Variants in DCLK1 observed in about 807,000 individuals in gnomAD.
DCLK1 encodes the protein doublecortin like kinase 1, also known as serine/threonine-protein kinase DCLK1.
A neutral mutation model predicts 86.2 loss-of-function variants in DCLK1; 16 were observed. That is an observed-to-expected ratio of 0.19 (90% CI 0.13 to 0.28). The LOEUF is 0.28. Ranked by LOEUF, DCLK1 falls within the 10% of genes least tolerant of loss-of-function variation. DCLK1 has a pLI of 1.00. For synonymous variants in DCLK1, 369 were observed against 370.5 expected (o/e 1.00, Z 0.05); for missense variants, 590 against 940.2 (o/e 0.63, Z 4.87).
chr13:35,900,420 T>G (rs899101997), intron 4 of DCLK1, among the ~76,000 whole-genome samples: 2 of 152,058 alleles, frequency 1.3e-5, no homozygotes, highest in Admixed American at 6.6e-5. Flanking sequence ...TTTTGTATTT[T>G]TAGTAGAGAT....
chr13:36,014,067 C>T (rs947967442), intron 3 of DCLK1, among the ~76,000 whole-genome samples: 3 of 152,220 alleles, frequency 2.0e-5, no homozygotes, highest in Non-Finnish European at 2.9e-5. Context: ...TGCTTCGGCT[C>T]GCGCACGGTG....
intron 4 of DCLK1, among the ~76,000 whole-genome samples, chr13:35,929,418 T>A (rs1012117663): frequency 6.6e-6 from 1 of 152,198 alleles, no homozygotes; most frequent in African/African-American, 2.4e-5. Flanking sequence ...CGGTTCTCAA[T>A]AGTTGGGCAG....
At chr13:35,951,381 C>T (rs1442251508) in intron 3 of DCLK1, among the ~76,000 whole-genome samples, 1 of 150,756 alleles carries the variant, frequency 6.6e-6, no homozygotes, top group Non-Finnish European at 1.5e-5. Context: ...AATTTATCTG[C>T]TTTACCTGTT....
intron 3 of DCLK1, among the ~76,000 whole-genome samples, chr13:35,948,765 T>G (rs1877515258): frequency 6.6e-6 from 1 of 152,196 alleles, no homozygotes; most frequent in Non-Finnish European, 1.5e-5. Context: ...TTGTCAGTGT[T>G]TAGTCTGCCC....
intron 16 of DCLK1, 94 bp downstream of exon 16, chr13:35,793,272 C>T (rs1021423113): frequency 6.5e-6 from 6 of 920,650 alleles, no homozygotes; most frequent in African/African-American, 1.7e-5. Context: ...ATGACCCATT[C>T]TGCTGTCTCT....
intron 8 of DCLK1, among the ~76,000 whole-genome samples, chr13:35,833,072 C>A (rs1869083830): frequency 6.6e-6 from 1 of 152,120 alleles, no homozygotes; most frequent in Non-Finnish European, 1.5e-5. Flanking sequence ...TTTGAGCCTG[C>A]TTGTGTTCAT....
At chr13:35,858,951 T>A (rs1728542642) in intron 5 of DCLK1, among the ~76,000 whole-genome samples, 1 of 152,226 alleles carries the variant, frequency 6.6e-6, no homozygotes, top group African/African-American at 2.4e-5. Context: ...CCAGAAAGCA[T>A]TACACACCTT....
chr13:35,805,575 A>T, intron 15 of DCLK1, 124 bp downstream of exon 15: 1 of 914,390 alleles, frequency 1.1e-6, no homozygotes, highest in South Asian at 1.8e-5. Context: ...CTGAGATTAC[A>T]GGCGTGAGAC....
At chr13:35,932,710 C>T (rs1254331235) in intron 4 of DCLK1, among the ~76,000 whole-genome samples, 1 of 152,190 alleles carries the variant, frequency 6.6e-6, no homozygotes, top group East Asian at 1.9e-4. Context: ...CCCCATGACT[C>T]AACTACCAAC....
chr13:35,790,553 T>C (rs529671970), intron 16 of DCLK1, among the ~76,000 whole-genome samples: 1 of 152,308 alleles, frequency 6.6e-6, no homozygotes, highest in South Asian at 2.1e-4. Context: ...AATACATTAT[T>C]TTATAGCCTC....
chr13:36,106,718 C>A (rs1885409990), intron 3 of DCLK1, among the ~76,000 whole-genome samples: 1 of 152,080 alleles, frequency 6.6e-6, no homozygotes, highest in South Asian at 2.1e-4. Flanking sequence ...TACAGAAAAC[C>A]TCCTTTCCCA....
chr13:35,839,801 AT>A (rs10709881), intron 6 of DCLK1, among the ~76,000 whole-genome samples: 141,319 of 152,194 alleles, frequency 0.93, 65,676 homozygotes, highest in African/African-American at 0.96. Flanking sequence ...ATTTTGTTTG[AT>A]TTTTGACCCA....
At chr13:35,822,100 C>CT (rs936114133) in intron 11 of DCLK1, among the ~76,000 whole-genome samples, 12 of 151,068 alleles carry the variant, frequency 7.9e-5, no homozygotes, top group South Asian at 2.1e-4. Context: ...AAAGGGCTTC[C>CT]TTTTTTTTTC....
chr13:35,958,131 A>ACTGTAACCACCACCACCATCACTG (rs1555352807), intron 3 of DCLK1, among the ~76,000 whole-genome samples: 1 of 49,692 alleles, frequency 2.0e-5, no homozygotes, highest in Non-Finnish European at 5.2e-5. Context: ...CACTACCACT[A>ACTGTAACCACCACCACCATCACTG]CTATAACCAC....
intron 3 of DCLK1, among the ~76,000 whole-genome samples, chr13:35,957,907 C>A (rs1420068890): frequency 6.6e-6 from 1 of 151,426 alleles, no homozygotes. Flanking sequence ...TTATTAGCGT[C>A]ACCACCACCA....
intron 3 of DCLK1, among the ~76,000 whole-genome samples, chr13:36,067,109 G>A (rs1329958662): frequency 1.5e-5 from 2 of 137,390 alleles, no homozygotes; most frequent in Non-Finnish European, 1.6e-5. Context: ...ACATGCACAC[G>A]TATGTTTATT....
chr13:35,792,213 G>A (rs1441456722), intron 16 of DCLK1, among the ~76,000 whole-genome samples: 1 of 152,172 alleles, frequency 6.6e-6, no homozygotes, highest in Admixed American at 6.5e-5. Flanking sequence ...AATCACTATT[G>A]AAAGGGTTCA....
intron 3 of DCLK1, among the ~76,000 whole-genome samples, chr13:35,949,652 A>G (rs1877557859): frequency 6.6e-6 from 1 of 152,086 alleles, no homozygotes; most frequent in African/African-American, 2.4e-5. Flanking sequence ...ACCACATCCT[A>G]CTCATCGGTG....
chr13:35,795,721 G>C (rs1264577301), intron 15 of DCLK1, among the ~76,000 whole-genome samples: 1 of 152,074 alleles, frequency 6.6e-6, no homozygotes. Flanking sequence ...GGGAGTACGA[G>C]ACCAGCCTGA....
Sources: gnomAD v4.1 joint callset for allele counts (sites outside exome capture counted in the v4.1 genomes callset) on GRCh38, gnomAD v4.1.1 for gene constraint, MANE v1.5 for transcripts, NCBI Gene and HGNC (gene_info 2026-07-23, HGNC 2026-07-21) for gene names.